SGTB: variants seen among roughly 807,000 people sequenced by gnomAD.
SGTB encodes the protein small glutamine rich tetratricopeptide repeat co-chaperone beta.
Under a neutral mutation model 43.9 loss-of-function variants are expected in SGTB, and 19 were observed. That is an observed-to-expected ratio of 0.43 (90% CI 0.30 to 0.63). The LOEUF (loss-of-function observed/expected upper bound fraction) is 0.63, where lower values mean the gene tolerates loss of function less well. SGTB is among the 30% of genes least tolerant of loss of function. The pLI is 0.12. For missense variants in SGTB, 304 were observed against 358.9 expected, an observed-to-expected ratio of 0.85 and a Z score of 1.24; for synonymous variants, 116 against 117.3, an observed-to-expected ratio of 0.99 and a Z score of 0.07.
At chr5:65,715,862 CGA>C (rs1758137103) in intron 2 of SGTB, among the ~76,000 whole-genome samples, 1 of 152,172 alleles carries the variant, frequency 6.6e-6, no homozygotes. Context: ...CTGTGCCTCC[CGA>C]GTTTAAGCTA....
At chr5:65,707,448 T>TG (rs923307829) in intron 4 of SGTB, among the ~76,000 whole-genome samples, 4 of 150,676 alleles carry the variant, frequency 2.7e-5, no homozygotes, top group African/African-American at 9.8e-5. Context: ...ATATTTTTTT[T>TG]TTTTTGAGAT....
chr5:65,712,324 C>G (rs1758059104), intron 3 of SGTB, among the ~76,000 whole-genome samples: 1 of 152,054 alleles, frequency 6.6e-6, no homozygotes, highest in Non-Finnish European at 1.5e-5. Context: ...ATGTGGGAGC[C>G]CTAAACTCCC....
chr5:65,677,072 C>T (rs1017036980), intron 8 of SGTB, among the ~76,000 whole-genome samples: 15 of 150,212 alleles, frequency 1.0e-4, no homozygotes, highest in South Asian at 4.2e-4. Flanking sequence ...TAAAATAGAC[C>T]GCTAGCTATA....
chr5:65,718,391 C>G (rs1456415688), intron 2 of SGTB, among the ~76,000 whole-genome samples: 1 of 152,180 alleles, frequency 6.6e-6, no homozygotes, highest in Non-Finnish European at 1.5e-5. Context: ...TGTTTGAGAT[C>G]ACTGGATGAG....
intron 2 of SGTB, among the ~76,000 whole-genome samples, chr5:65,719,334 A>G (rs902896635): frequency 6.6e-6 from 1 of 152,194 alleles, no homozygotes; most frequent in Admixed American, 6.5e-5. Flanking sequence ...TCATGCCTGT[A>G]ATCTCAGTAC....
intron 5 of SGTB, among the ~76,000 whole-genome samples, chr5:65,700,635 C>G (rs1318729794): frequency 1.4e-5 from 2 of 146,530 alleles, no homozygotes; most frequent in Non-Finnish European, 3.0e-5. Flanking sequence ...GAGCCAAGAT[C>G]GCGCCACTGC....
intron 6 of SGTB, among the ~76,000 whole-genome samples, 158 bp from the exon 7 acceptor site, chr5:65,680,952 C>T (rs1757385314): frequency 6.6e-6 from 1 of 152,112 alleles, no homozygotes; most frequent in South Asian, 2.1e-4. Flanking sequence ...AAAATTCCCT[C>T]CAACTTAAGA....
chr5:65,713,202 C>T, intron 2 of SGTB, 138 bp from the exon 3 acceptor site: 1 of 604,894 alleles, frequency 1.7e-6, no homozygotes, highest in Non-Finnish European at 2.8e-6. Context: ...GGTTCAGCTG[C>T]AAAGAAATTT....
chr5:65,705,004 A>C (rs978508168), intron 4 of SGTB, among the ~76,000 whole-genome samples: 1 of 152,204 alleles, frequency 6.6e-6, no homozygotes, highest in Non-Finnish European at 1.5e-5. Context: ...CAAAGTACTG[A>C]TTTTCAGGAA....
rs1009372118 is a variant in SGTB at position 65,667,707 on chromosome 5, A to G, written c.*2539T>C. On this transcript the variant is annotated 3_prime_UTR_variant, in exon 11 of 11. Transcript: ENST00000381007. ...CTCTAACCTAGTGTTCCTCTAAATTAGAGTCCTTGGATCTGTATCAAAACC... is the reference window on the plus strand; with the variant it reads ...CTCTAACCTAGTGTTCCTCTAAATTGGAGTCCTTGGATCTGTATCAAAACC... The G allele has an allele frequency of 6.6e-6, 1 of 152,188 alleles. No individual in the cohort carries two copies. The highest frequency in any genetic ancestry group is 2.4e-5 in the African/African-American group (1 of 41,448). The allele number at this position is 152,188 out of a possible 1,614,324, so 9.4% of individuals were successfully genotyped here. A position where few individuals can be genotyped will look rare whatever the true frequency, so the allele number is the denominator to read the frequency against.
At position 65,666,496 on chromosome 5, in the gene SGTB, G is replaced by A. The variant is rs573091635; in HGVS notation, c.*3750C>T. Reference sequence around the variant, plus strand: ...ATGGAAGTCAAACATTTAGTACGATGCTTAAAGAGTTACTTTAATAATGCC... The same window carrying A: ...ATGGAAGTCAAACATTTAGTACGATACTTAAAGAGTTACTTTAATAATGCC... On this transcript the variant is annotated 3_prime_UTR_variant, in exon 11 of 11. Coordinates refer to ENST00000381007, the MANE Select transcript of SGTB (RefSeq NM_019072.3). 2.6e-5 allele frequency: 4 copies of A among 152,278 alleles called. No individual in the cohort carries two copies. The East Asian group carries it at 7.7e-4, about 29-fold the overall frequency. 9.4% of individuals were successfully genotyped at this position (152,278 alleles called of 1,614,324 possible).
intron 5 of SGTB, among the ~76,000 whole-genome samples, chr5:65,694,900 A>C (rs1194691189): frequency 6.6e-6 from 1 of 152,178 alleles, no homozygotes; most frequent in Non-Finnish European, 1.5e-5. Flanking sequence ...TAGGTAGTAG[A>C]GAGAAGAGGA....
chr5:65,685,557 T>C (rs1757482062), intron 5 of SGTB, 85 bp from the exon 6 acceptor site: 6 of 1,075,346 alleles, frequency 5.6e-6, no homozygotes, highest in Non-Finnish European at 8.3e-6. Flanking sequence ...ACTACCTTTT[T>C]CTTGTTCCAA....
chr5:65,670,954 A>C (rs1757142819), intron 10 of SGTB, among the ~76,000 whole-genome samples: 1 of 152,234 alleles, frequency 6.6e-6, no homozygotes, highest in South Asian at 2.1e-4. Context: ...ACAGATTCAA[A>C]AAGCAAAGTT....
chr5:65,717,978 T>G (rs548300267), intron 2 of SGTB, among the ~76,000 whole-genome samples: 1 of 151,916 alleles, frequency 6.6e-6, no homozygotes, highest in Non-Finnish European at 1.5e-5. Context: ...TTAAGATGAG[T>G]AAGAAGAGGT....
At chr5:65,705,424 G>C (rs369826592) in intron 4 of SGTB, among the ~76,000 whole-genome samples, 2 of 152,188 alleles carry the variant, frequency 1.3e-5, no homozygotes, top group East Asian at 3.9e-4. Context: ...CTGCATTCCA[G>C]CATGGGTGAC....
At chr5:65,671,481 C>T (rs1464473624) in intron 10 of SGTB, among the ~76,000 whole-genome samples, 1 of 152,152 alleles carries the variant, frequency 6.6e-6, no homozygotes, top group African/African-American at 2.4e-5. Context: ...AGTCACTAAC[C>T]TGTACCTCAG....
intron 4 of SGTB, among the ~76,000 whole-genome samples, chr5:65,706,569 C>T (rs60597032): frequency 0.01 from 1,575 of 152,240 alleles, 26 homozygotes; most frequent in African/African-American, 0.036. Flanking sequence ...TGGTGGCGCA[C>T]ATCTGTAATC....
At chr5:65,719,778 T>C (rs771381491) in intron 2 of SGTB, among the ~76,000 whole-genome samples, 1 of 152,190 alleles carries the variant, frequency 6.6e-6, no homozygotes, top group African/African-American at 2.4e-5. Flanking sequence ...ACCCACATCC[T>C]GTTCAACTTT....
Sources: gnomAD v4.1 joint callset for allele counts (sites outside exome capture counted in the v4.1 genomes callset) on GRCh38, gnomAD v4.1.1 for gene constraint, MANE v1.5 for transcripts, NCBI Gene and HGNC (gene_info 2026-07-23, HGNC 2026-07-21) for gene names.